The following CFAP44 variants were observed in gnomAD, a reference collection of about 807,000 sequenced individuals.
CFAP44 encodes the protein cilia and flagella associated protein 44, also known as cilia- and flagella-associated protein 44.
In CFAP44, 134 loss-of-function variants were observed where a neutral mutation model predicts 216.2. The observed-to-expected ratio is 0.62, with a 90% confidence interval of 0.54 to 0.72. The LOEUF is 0.72. Among genes scored for constraint, CFAP44 ranks in the 30% least tolerant of loss-of-function variants. The pLI is 0.00. For synonymous variants in CFAP44, 700 were observed against 727.6 expected (o/e 0.96, Z 0.61); for missense variants, 2,035 against 2,182.1 (o/e 0.93, Z 1.34).
chr3:113,372,002 A>G lies in CFAP44; in HGVS notation c.2444+1409T>C, dbSNP rs898926762. ...AATGCTCATCACCACTGATCATCAGAGAAATACAAATCAAAACCACAGTGA... is the reference window on the plus strand; with the variant it reads ...AATGCTCATCACCACTGATCATCAGGGAAATACAAATCAAAACCACAGTGA... On this transcript the variant is annotated intron_variant, in intron 18 of 34. Transcript: ENST00000393845. Among the ~76,000 whole-genome samples the G allele has an allele frequency of 3.3e-5, 5 of 152,250 alleles. No individual in the cohort carries two copies. The East Asian group carries it at 9.6e-4, about 29-fold the overall frequency.
chr3:113,403,786 A>C, intron 9 of CFAP44, 66 bp downstream of exon 9: 1 of 1,503,766 alleles, frequency 6.6e-7, no homozygotes, highest in East Asian at 2.4e-5. Flanking sequence ...ATGAGAAATA[A>C]AACCCTTTGG....
chr3:113,374,564 T>C (rs116875746), intron 17 of CFAP44, among the ~76,000 whole-genome samples: 2,140 of 152,146 alleles, frequency 0.014, 166 homozygotes, highest in Admixed American at 0.12. Flanking sequence ...CAAAGAGATA[T>C]TTGAACACCC....
At chr3:113,366,779 A>G (rs1403672341) in intron 18 of CFAP44, among the ~76,000 whole-genome samples, 1 of 152,218 alleles carries the variant, frequency 6.6e-6, no homozygotes, top group Admixed American at 6.5e-5. Flanking sequence ...TGGGAAGCGC[A>G]AGGGGTCAGG....
At chr3:113,417,174 T>C (rs1362341974) in intron 5 of CFAP44, 2 of 152,234 alleles carry the variant, frequency 1.3e-5, no homozygotes, top group Non-Finnish European at 2.9e-5. Context: ...CTAAATTTTG[T>C]ATAGAAAAAT....
chr3:113,417,325 A>T (rs1454301327), intron 5 of CFAP44: 2 of 152,206 alleles, frequency 1.3e-5, no homozygotes, highest in Non-Finnish European at 2.9e-5. Flanking sequence ...CACAGAGGAA[A>T]ATACAGTAAG....
Position 113,379,340 on chromosome 3 carries a change from A to G in CFAP44, c.2264T>C (p.Phe755Ser), listed in dbSNP as rs1559929593. 6.2e-7 allele frequency: 1 copy of G among 1,602,182 alleles called. No homozygotes were observed. The highest frequency in any genetic ancestry group is 1.7e-5 in the Admixed American group (1 of 59,450). ...PSTPSPILCG[F>S]YSEPGKFWVS... ...CCAGAACTTCCCTGGCTCTGAGTAA[A>G]ATCCACAGAGGATGGGAGAGGGGGT... The change falls in exon 17 of 35, where the codon TTT (phenylalanine) becomes TCT (serine). Residue 755 changes from phenylalanine to serine, a missense_variant. Physicochemically the swap from Phe to Ser is radical, Grantham distance 155. Transcript: ENST00000393845.
chr3:113,287,036 C>T lies in CFAP44; in HGVS notation c.*4521G>A, dbSNP rs553895847. The T allele has an allele frequency of 2.5e-4, 196 of 798,010 alleles. 1 individual carries two copies. In the African/African-American group the frequency reaches 2.7e-3, roughly 11 times the overall value. The allele number at this position is 798,010 out of a possible 1,614,324, so 49.4% of individuals were successfully genotyped here. On this transcript the variant is annotated 3_prime_UTR_variant, in exon 35 of 35. Transcript: ENST00000393845. ...TAATTCTGGAGAGACATAAGGAGTC[C>T]TACCCGTTGAGGTTGGAGAGGGAAA...
rs999643396 is a variant in CFAP44, at chr3:113,287,344, C to A, written c.*4213G>T. The A allele has an allele frequency of 9.4e-6, 2 of 212,322 alleles. No homozygotes were observed. Among genetic ancestry groups the A allele is most frequent in the African/African-American group, 4.7e-5 (2 of 42,960 alleles). The allele number at this position is 212,322 out of a possible 1,614,324, so 13.2% of individuals were successfully genotyped here. A position where few individuals can be genotyped will look rare whatever the true frequency, so the allele number is the denominator to read the frequency against. ...CCATGAGAACAGACCAAGATGTGTA[C>A]AGCACTATGAGCATTAAAAAACCTT... On this transcript the variant is annotated 3_prime_UTR_variant, in exon 35 of 35. Coordinates refer to ENST00000393845, the MANE Select transcript of CFAP44 (RefSeq NM_001164496.2).
Position 113,326,473 on chromosome 3 carries a change from TACCCG to T in CFAP44, c.4483_4487del (p.Arg1495LysfsTer6). ...CATCTCCTTCAACTTCTTTTTTCTTTACCCGTTTAATCTTCTTCTTTAGGACCTTC... is the reference window on the plus strand; with the variant it reads ...CATCTCCTTCAACTTCTTTTTTCTTTTTTAATCTTCTTCTTTAGGACCTTC... On this transcript the variant is annotated frameshift_variant, in exon 28 of 35. Transcript: ENST00000393845. LOFTEE classifies it high-confidence loss of function. 6.6e-7 allele frequency: 1 copy of T among 1,507,470 alleles called. No homozygotes were observed. The highest frequency in any genetic ancestry group is 8.8e-7 in the Non-Finnish European group (1 of 1,137,772). 93.4% of individuals were successfully genotyped at this position (1,507,470 alleles called of 1,614,324 possible).
At chr3:113,406,485 A>G (rs1299717625) in intron 8 of CFAP44, among the ~76,000 whole-genome samples, 21 of 152,182 alleles carry the variant, frequency 1.4e-4, no homozygotes, top group Middle Eastern at 3.4e-3. Context: ...TTAGCCAGGC[A>G]TGGTGGCAGG....
chr3:113,328,380 A>G (rs1950206730), intron 26 of CFAP44, among the ~76,000 whole-genome samples: 1 of 151,280 alleles, frequency 6.6e-6, no homozygotes, highest in African/African-American at 2.4e-5. Flanking sequence ...CCTGGTCCAG[A>G]CTTTAATCCA....
chr3:113,380,735 T>C lies in CFAP44; in HGVS notation c.2052+164A>G, dbSNP rs188119393. Among the ~76,000 whole-genome samples the C allele has an allele frequency of 4.9e-4, 74 of 152,184 alleles. 1 individual carries two copies. The highest frequency in any genetic ancestry group is 3.0e-3 in the Admixed American group (46 of 15,290). On this transcript the variant is annotated intron_variant, in intron 16 of 34. Coordinates refer to ENST00000393845, the MANE Select transcript of CFAP44 (RefSeq NM_001164496.2). ...TTGCATTTTGATTTCAGTATCTATT[T>C]ACTACTGCCTTCTAATAGCTGCTTT...
intron 24 of CFAP44, among the ~76,000 whole-genome samples, chr3:113,337,371 A>G (rs1464398328): frequency 2.0e-5 from 3 of 152,128 alleles, no homozygotes; most frequent in East Asian, 3.8e-4. Context: ...ATAAAGATAC[A>G]AATTCTCCCC....
intron 4 of CFAP44, among the ~76,000 whole-genome samples, chr3:113,421,876 A>G (rs979120955): frequency 9.2e-5 from 14 of 152,070 alleles, no homozygotes; most frequent in African/African-American, 2.9e-4. Flanking sequence ...AAAACTTCCT[A>G]TTGGGTACTA....
At chr3:113,351,335 C>T (rs1181754090) in intron 22 of CFAP44, among the ~76,000 whole-genome samples, 1 of 152,162 alleles carries the variant, frequency 6.6e-6, no homozygotes, top group African/African-American at 2.4e-5. Flanking sequence ...CCCCTCAAAG[C>T]TTAAGTCCAT....
At chr3:113,376,108 C>A (rs1933335981) in intron 17 of CFAP44, among the ~76,000 whole-genome samples, 2 of 151,936 alleles carry the variant, frequency 1.3e-5, no homozygotes, top group East Asian at 1.9e-4. Context: ...TCTTTTAAGC[C>A]TAACCATATA....
intron 22 of CFAP44, among the ~76,000 whole-genome samples, chr3:113,345,956 C>G (rs1950377493): frequency 6.6e-6 from 1 of 152,130 alleles, no homozygotes; most frequent in Admixed American, 6.5e-5. Flanking sequence ...AGACTTATTT[C>G]CTTTATGTAT....
rs1214166435 is a variant in CFAP44 at position 113,288,778 on chromosome 3, A to T, written c.*2779T>A. On this transcript the variant is annotated 3_prime_UTR_variant, in exon 35 of 35. Coordinates refer to ENST00000393845, the MANE Select transcript of CFAP44 (RefSeq NM_001164496.2). ...AGCACATGGCTCACAGACCTCCCTA[A>T]GCTGGGGAGCCCGCTGTGGTGGGAC... The T allele has an allele frequency of 6.6e-6, 1 of 152,314 alleles. No individual in the cohort carries two copies. Among genetic ancestry groups the T allele is most frequent in the African/African-American group, 2.4e-5 (1 of 41,470 alleles). 9.4% of individuals were successfully genotyped at this position (152,314 alleles called of 1,614,324 possible). A position where few individuals can be genotyped will look rare whatever the true frequency, so the allele number is the denominator to read the frequency against.
At chr3:113,358,610 G>C (rs1950512256) in intron 22 of CFAP44, 135 bp downstream of exon 22, 1 of 1,145,266 alleles carries the variant, frequency 8.7e-7, no homozygotes, top group African/African-American at 1.6e-5. Context: ...AGTGACAAGA[G>C]GATTCCTTGA....
Sources: allele counts gnomAD v4.1 joint callset (sites outside exome capture counted in the v4.1 genomes callset), GRCh38; gene constraint gnomAD v4.1.1; transcripts MANE v1.5; gene names NCBI Gene and HGNC (gene_info 2026-07-23, HGNC 2026-07-21).